KALRN: variants seen among roughly 807,000 people sequenced by gnomAD.
KALRN encodes the protein kalirin RhoGEF kinase.
A neutral mutation model predicts 353.7 loss-of-function variants in KALRN; 70 were observed. The ratio of observed to expected loss-of-function variants is 0.20; its 90% CI spans 0.16 to 0.24. KALRN has a LOEUF of 0.24. KALRN is among the 10% of genes least tolerant of loss of function. The pLI is 1.00. For synonymous variants in KALRN, 1,391 were observed against 1,434.8 expected (o/e 0.97, Z 0.69); for missense variants, 2,791 against 3,756.7 (o/e 0.74, Z 6.72).
In KALRN at chr3:124,721,968, G is replaced by C. The variant is rs1238053151; in HGVS notation, c.*2498G>C. On this transcript the variant is annotated 3_prime_UTR_variant, in exon 60 of 60. Transcript: ENST00000682506. The stretch of plus-strand genomic sequence containing the variant: ...AGCAAAATTCTGTCTCGAAAAAAAA[G>C]GAAAGCCTGGCCCATAGGGTTTGTC... 1 of 152,206 alleles carries C rather than the reference G, an allele frequency of 6.6e-6. No individual in the cohort carries two copies. Among genetic ancestry groups the C allele is most frequent in the African/African-American group, 2.4e-5 (1 of 41,428 alleles). 9.4% of individuals were successfully genotyped at this position (152,206 alleles called of 1,614,324 possible). A position where few individuals can be genotyped will look rare whatever the true frequency, so the allele number is the denominator to read the frequency against.
chr3:124,559,928 G>A lies in KALRN; in HGVS notation c.4936-2915G>A, dbSNP rs75998757. ...TGGGCTGTATCTAAAGCTTGAGCCC[G>A]GTTGTCTACAACGTGTGAGCATGGA... On this transcript the variant is annotated intron_variant, in intron 33 of 59. Transcript: ENST00000682506. 3.0e-3 allele frequency among the ~76,000 whole-genome samples: 451 copies of A among 152,300 alleles called. 3 individuals carry two copies. Among genetic ancestry groups the A allele is most frequent in the Non-Finnish European group, 4.1e-3 (279 of 68,018 alleles).
intron 1 of KALRN, among the ~76,000 whole-genome samples, chr3:124,064,329 G>A (rs2042188004): frequency 6.6e-6 from 1 of 152,114 alleles, no homozygotes. Context: ...TAAATGAGAT[G>A]ATGTGATTCC....
chr3:124,598,827 C>G (rs2076518125), intron 34 of KALRN, among the ~76,000 whole-genome samples: 1 of 152,176 alleles, frequency 6.6e-6, no homozygotes, highest in Non-Finnish European at 1.5e-5. Context: ...CAGTAGCACG[C>G]CACTACGCCT....
intron 28 of KALRN, among the ~76,000 whole-genome samples, chr3:124,487,637 G>C (rs1043085076): frequency 2.0e-5 from 3 of 152,116 alleles, no homozygotes; most frequent in Non-Finnish European, 2.9e-5. Context: ...TGATCCATAT[G>C]ATCTAAAAAT....
chr3:124,412,969 A>T (rs986287072), intron 13 of KALRN, among the ~76,000 whole-genome samples: 1 of 152,180 alleles, frequency 6.6e-6, no homozygotes, highest in Admixed American at 6.5e-5. Flanking sequence ...TTGAAATACT[A>T]CTTAATTTCT....
rs973713550 is a variant in KALRN at position 124,317,750 on chromosome 3, G to T, written c.1093-8230G>T. ...AAAAAAAAAAAAAAGGCGGGGGCTG[G>T]GGGGGCAGTTGGGGATAAAATGCTG... On this transcript the variant is annotated intron_variant, in intron 6 of 59. Coordinates refer to ENST00000682506, the MANE Select transcript of KALRN (RefSeq NM_001388419.1). 6.0e-5 allele frequency among the ~76,000 whole-genome samples: 9 copies of T among 151,046 alleles called. No homozygotes were observed. The East Asian group carries it at 1.8e-3, about 29-fold the overall frequency.
intron 1 of KALRN, among the ~76,000 whole-genome samples, chr3:124,224,156 GT>G (rs199787944): frequency 3.3e-4 from 44 of 133,014 alleles, no homozygotes; most frequent in South Asian, 7.1e-4. Context: ...CCCTGATTTT[GT>G]TTTTTTTTTT....
chr3:124,684,708 C>T (rs59058650), intron 51 of KALRN, among the ~76,000 whole-genome samples: 12,995 of 152,200 alleles, frequency 0.085, 918 homozygotes, highest in East Asian at 0.32. Context: ...ATTGAGATCC[C>T]GACCGAAGAG....
chr3:124,183,961 G>T (rs1057253487), intron 1 of KALRN, among the ~76,000 whole-genome samples: 2 of 152,200 alleles, frequency 1.3e-5, no homozygotes, highest in African/African-American at 4.8e-5. Flanking sequence ...ATGTAGTAAT[G>T]AATGCCATAA....
intron 1 of KALRN, among the ~76,000 whole-genome samples, chr3:124,226,861 G>C (rs565688938): frequency 3.3e-5 from 5 of 152,244 alleles, no homozygotes; most frequent in Admixed American, 1.3e-4. Context: ...GGCACCAGAG[G>C]GGGTATCCAT....
Position 124,347,124 on chromosome 3 carries a change from G to T in KALRN, c.1648-19G>T. 1 of 1,613,844 alleles carries T rather than the reference G, an allele frequency of 6.2e-7. No homozygotes were observed. Among genetic ancestry groups the T allele is most frequent in the Non-Finnish European group, 8.5e-7 (1 of 1,179,842 alleles). ...CTTCTGCTAGAAAGTCATTGTTGCTGTTATCCTTCTTTGACCAGGTGTTGG... is the reference window on the plus strand; with the variant it reads ...CTTCTGCTAGAAAGTCATTGTTGCTTTTATCCTTCTTTGACCAGGTGTTGG... On this transcript the variant is annotated intron_variant, in intron 9 of 59. Transcript: ENST00000682506.
intron 1 of KALRN, among the ~76,000 whole-genome samples, chr3:124,207,499 G>T (rs2076516546): frequency 6.6e-6 from 1 of 152,196 alleles, no homozygotes; most frequent in Non-Finnish European, 1.5e-5. Context: ...ACATGGCTAT[G>T]TCCTAACCCT....
intron 1 of KALRN, among the ~76,000 whole-genome samples, chr3:124,169,459 G>A (rs945911350): frequency 6.6e-6 from 1 of 152,090 alleles, no homozygotes; most frequent in African/African-American, 2.4e-5. Flanking sequence ...GGTAGCTTTG[G>A]CTTCTCTTCA....
At chr3:124,322,516 A>AG (rs2079442070) in intron 6 of KALRN, among the ~76,000 whole-genome samples, 1 of 152,158 alleles carries the variant, frequency 6.6e-6, no homozygotes, top group Non-Finnish European at 1.5e-5. Context: ...AAGAGAGTGG[A>AG]GGGGGCAGCT....
At chr3:124,116,105 T>C (rs1377621724) in intron 1 of KALRN, among the ~76,000 whole-genome samples, 2 of 152,204 alleles carry the variant, frequency 1.3e-5, no homozygotes, top group Admixed American at 1.3e-4. Context: ...GATGTTATAT[T>C]CATGAGGCCA....
chr3:124,419,011 G>A (rs777612733), intron 14 of KALRN, among the ~76,000 whole-genome samples: 2 of 151,740 alleles, frequency 1.3e-5, no homozygotes, highest in Non-Finnish European at 2.9e-5. Flanking sequence ...GGCAGAGGTT[G>A]CAGTGAGCTG....
At chr3:124,057,262 A>T (rs940985373) in intron 1 of KALRN, among the ~76,000 whole-genome samples, 1 of 152,234 alleles carries the variant, frequency 6.6e-6, no homozygotes, top group Middle Eastern at 3.4e-3. Context: ...TTCAGGTATG[A>T]GTACATTATT....
At chr3:124,283,108 G>A (rs912103524) in intron 5 of KALRN, among the ~76,000 whole-genome samples, 2 of 152,234 alleles carry the variant, frequency 1.3e-5, no homozygotes, top group Admixed American at 6.5e-5. Context: ...CTCATGTGGA[G>A]CTTTGTTCCC....
At chr3:124,388,028 A>G (rs188216344) in intron 11 of KALRN, among the ~76,000 whole-genome samples, 6 of 152,202 alleles carry the variant, frequency 3.9e-5, no homozygotes, top group African/African-American at 1.4e-4. Flanking sequence ...ATGTACATGT[A>G]TATGTGTACA....
Sources: allele counts gnomAD v4.1 joint callset (sites outside exome capture counted in the v4.1 genomes callset), GRCh38; gene constraint gnomAD v4.1.1; transcripts MANE v1.5; gene names NCBI Gene and HGNC (gene_info 2026-07-23, HGNC 2026-07-21).